Variants in JHY observed in about 807,000 individuals in gnomAD.
JHY encodes the protein junctional cadherin complex regulator.
In JHY, 69 loss-of-function variants were observed where a neutral mutation model predicts 78.0. That is an observed-to-expected ratio of 0.88 (90% confidence interval 0.73 to 1.08). The LOEUF is 1.08. Ranked by LOEUF, JHY falls within the 50% of genes least tolerant of loss-of-function variation. The probability of loss-of-function intolerance (pLI) is 0.00; values close to 1 mark genes in which losing one functional copy is unlikely to be tolerated. For synonymous variants in JHY, 368 were observed against 342.6 expected (o/e 1.07, Z -0.82); for missense variants, 944 against 927.8 (o/e 1.02, Z -0.23).
intron 3 of JHY, among the ~76,000 whole-genome samples, chr11:122,910,828 A>C (rs1863104799): frequency 6.6e-6 from 1 of 152,202 alleles, no homozygotes; most frequent in Non-Finnish European, 1.5e-5. Context: ...TTTTAAAGTC[A>C]ATTGTTCTAT....
chr11:122,884,334 T>G (rs1426802363), intron 1 of JHY, among the ~76,000 whole-genome samples: 1 of 152,120 alleles, frequency 6.6e-6, no homozygotes, highest in Non-Finnish European at 1.5e-5. Flanking sequence ...GTAATAAGGT[T>G]GTGTCATTTA....
At chr11:122,919,547 A>G (rs919413115) in intron 3 of JHY, among the ~76,000 whole-genome samples, 1 of 152,192 alleles carries the variant, frequency 6.6e-6, no homozygotes, top group African/African-American at 2.4e-5. Flanking sequence ...CCGAGGCCAC[A>G]GGGCCTTATA....
chr11:122,888,065 A>T (rs1862534026), intron 2 of JHY, among the ~76,000 whole-genome samples: 1 of 149,504 alleles, frequency 6.7e-6, no homozygotes, highest in African/African-American at 2.5e-5. Flanking sequence ...CCTTTTTTTC[A>T]CTGGGGCTAT....
chr11:122,887,875 T>G (rs1591366075), intron 2 of JHY, among the ~76,000 whole-genome samples: 1 of 152,198 alleles, frequency 6.6e-6, no homozygotes, highest in African/African-American at 2.4e-5. Context: ...AGATACATTT[T>G]CAGGTCTTGA....
rs769200907 is a variant in JHY at position 122,946,494 on chromosome 11, T to C, written c.1635-4T>C. 1.3e-6 allele frequency: 2 copies of C among 1,560,300 alleles called. No individual in the cohort carries two copies. Among genetic ancestry groups the C allele is most frequent in the Non-Finnish European group, 1.7e-6 (2 of 1,157,924 alleles). On this transcript the variant is annotated splice_polypyrimidine_tract_variant and splice_region_variant and intron_variant, in intron 5 of 8. Coordinates refer to ENST00000227349, the MANE Select transcript of JHY (RefSeq NM_024806.4). ...AGATTTGTGCCTTTTTTTTTTTCAT[T>C]AAGGAAATTCCATTCTTCTTCTGAC... is the stretch of plus-strand genomic sequence containing the variant.
intron 3 of JHY, among the ~76,000 whole-genome samples, chr11:122,908,569 A>G (rs1427009555): frequency 7.2e-5 from 11 of 152,234 alleles, no homozygotes; most frequent in Admixed American, 6.5e-4. Flanking sequence ...ATCAAAATCT[A>G]AAAGTCAGAG....
rs2135356279 is a variant in JHY at position 122,934,974 on chromosome 11, T to A, written c.1533T>A (p.Ser511=). The A allele has an allele frequency of 6.2e-7, 1 of 1,614,028 alleles. No individual in the cohort carries two copies. The highest frequency in any genetic ancestry group is 2.2e-5 in the East Asian group (1 of 44,884). ...KRHVLLSQKG[S]QFVYHINTHG... The stretch of plus-strand genomic sequence containing the variant: ...ACGTGCTCCTGAGCCAGAAAGGCTC[T>A]CAGTTTGTTTATCACATAAATACTC... Residue 511 remains serine (S), a synonymous_variant, in exon 5 of 9, where the codon TCT becomes TCA. Transcript: ENST00000227349.
At chr11:122,885,019 G>C (rs12280690) in intron 1 of JHY, among the ~76,000 whole-genome samples, 1 of 148,702 alleles carries the variant, frequency 6.7e-6, no homozygotes, top group African/African-American at 2.5e-5. Context: ...CATGTTGCCC[G>C]GGGTGGTCTT....
rs1862940166 is a variant in JHY, at chr11:122,904,372, A to C, written c.792A>C (p.Gly264=). The change falls in exon 3 of 9, where the codon GGA becomes GGC. Residue 264 remains glycine, a synonymous_variant. Coordinates refer to ENST00000227349, the MANE Select transcript of JHY (RefSeq NM_024806.4). ...HFVEKNKLTL[G]LPTPKTDSYL... ...TGGAAAAAAACAAGCTCACTTTGGG[A>C]TTACCCACCCCGAAAACGGACTCTT... The C allele has an allele frequency of 1.9e-6, 3 of 1,614,026 alleles. No homozygotes were observed. The highest frequency in any genetic ancestry group is 2.7e-5 in the African/African-American group (2 of 74,930).
intron 3 of JHY, among the ~76,000 whole-genome samples, chr11:122,913,454 C>T (rs1017829416): frequency 2.0e-5 from 3 of 152,106 alleles, no homozygotes; most frequent in Non-Finnish European, 2.9e-5. Flanking sequence ...CTGAGTGGTA[C>T]GAAAGGCCCT....
intron 3 of JHY, among the ~76,000 whole-genome samples, chr11:122,916,259 A>G (rs1335705427): frequency 6.6e-6 from 1 of 152,222 alleles, no homozygotes; most frequent in Non-Finnish European, 1.5e-5. Context: ...TTCAATACAC[A>G]TTCTGTACAT....
At position 122,883,389 on chromosome 11, in the gene JHY, C is replaced by T. The variant is rs1157900533; in HGVS notation, c.-90+417C>T. Among the ~76,000 whole-genome samples the T allele has an allele frequency of 6.6e-6, 1 of 152,174 alleles. No homozygotes were observed. Among genetic ancestry groups the T allele is most frequent in the East Asian group, 1.9e-4 (1 of 5,192 alleles). Reference sequence around the variant, plus strand: ...TCGTTCCTTTTTCTTTACGATTCATCTTGGTGAGCCCAAGCAGGGTTCCTT... The same window carrying T: ...TCGTTCCTTTTTCTTTACGATTCATTTTGGTGAGCCCAAGCAGGGTTCCTT... On this transcript the variant is annotated intron_variant, in intron 1 of 8. Transcript: ENST00000227349. This position sits in a 1 kb window ranked among gnomAD's most constrained non-coding sequence, Gnocchi z 4.4.
chr11:122,946,479 C>CT lies in JHY; in HGVS notation c.1635-8dup, dbSNP rs752523535. 12,957 of 1,031,236 alleles carry CT rather than the reference C, an allele frequency of 0.013. No homozygotes were observed. Among genetic ancestry groups the CT allele is most frequent in the South Asian group, 0.025 (1,348 of 53,388 alleles). 63.9% of individuals were successfully genotyped at this position (1,031,236 alleles called of 1,614,324 possible). A position where few individuals can be genotyped will look rare whatever the true frequency, so the allele number is the denominator to read the frequency against. The stretch of plus-strand genomic sequence containing the variant: ...TTGGATTTTATTAATAGATTTGTGC[C>CT]TTTTTTTTTTTCATTAAGGAAATTC... On this transcript the variant is annotated intron_variant, in intron 5 of 8. Transcript: ENST00000227349.
Position 122,920,251 on chromosome 11 carries a change from G to T in JHY, c.865-4646G>T, listed in dbSNP as rs936320197. ...AATCCAGTATTATGCCTGGAAGCAAGGAATTGAATAATAGGTGTTGGAATG... is the reference window on the plus strand; with the variant it reads ...AATCCAGTATTATGCCTGGAAGCAATGAATTGAATAATAGGTGTTGGAATG... On this transcript the variant is annotated intron_variant, in intron 3 of 8. Transcript: ENST00000227349. Among the ~76,000 whole-genome samples, 9 of 152,286 alleles carry T rather than the reference G, an allele frequency of 5.9e-5. No individual in the cohort carries two copies. In the East Asian group the frequency reaches 1.7e-3, roughly 29 times the overall value.
chr11:122,934,949 A>G lies in JHY; in HGVS notation c.1508A>G (p.His503Arg). The G allele has an allele frequency of 2.5e-6, 4 of 1,614,150 alleles. No individual in the cohort carries two copies. Among genetic ancestry groups the G allele is most frequent in the South Asian group, 1.1e-5 (1 of 91,082 alleles). ...AACCTTAATGAACTTTCTAAGAGACACGTGCTCCTGAGCCAGAAAGGCTCT... is the reference window on the plus strand; with the variant it reads ...AACCTTAATGAACTTTCTAAGAGACGCGTGCTCCTGAGCCAGAAAGGCTCT... ...LNNLNELSKR[H>R]VLLSQKGSQF... Residue 503 changes from histidine to arginine, a missense_variant, in exon 5 of 9, where the codon CAC (histidine) becomes CGC (arginine). By Grantham distance (29) the His-to-Arg change is conservative. Transcript: ENST00000227349.
chr11:122,952,322 G>T, intron 6 of JHY, among the ~76,000 whole-genome samples: 1 of 152,114 alleles, frequency 6.6e-6, no homozygotes, highest in East Asian at 1.9e-4. Flanking sequence ...ATCTCAATAA[G>T]CTGCTAAAAA....
At chr11:122,916,811 G>C (rs1184153507) in intron 3 of JHY, among the ~76,000 whole-genome samples, 1 of 151,976 alleles carries the variant, frequency 6.6e-6, no homozygotes, top group Non-Finnish European at 1.5e-5. Flanking sequence ...GCTAAATTTT[G>C]TATTTTTAGT....
intron 3 of JHY, among the ~76,000 whole-genome samples, chr11:122,923,225 C>T (rs1284869861): frequency 1.3e-5 from 2 of 152,190 alleles, no homozygotes; most frequent in African/African-American, 4.8e-5. Flanking sequence ...AATACAGAGA[C>T]ATATATCTGC....
intron 6 of JHY, among the ~76,000 whole-genome samples, chr11:122,950,143 T>C (rs895000465): frequency 6.6e-6 from 1 of 152,166 alleles, no homozygotes; most frequent in African/African-American, 2.4e-5. Context: ...TACAAACGTG[T>C]TTTTTTAATC....
Sources: gnomAD v4.1 joint callset for allele counts (sites outside exome capture counted in the v4.1 genomes callset) on GRCh38, gnomAD v4.1.1 for gene constraint, Gnocchi (gnomAD v3.1) non-coding constraint, MANE v1.5 for transcripts, NCBI Gene and HGNC (gene_info 2026-07-23, HGNC 2026-07-21) for gene names.